TMPO: variants seen among roughly 807,000 people sequenced by gnomAD.
TMPO encodes the protein LEM domain containing 4.
Under a neutral mutation model 45.4 loss-of-function variants are expected in TMPO, and 22 were observed. The observed-to-expected ratio is 0.48, with a 90% confidence interval of 0.35 to 0.69. The LOEUF is 0.69. TMPO is among the 30% of genes least tolerant of loss of function. The probability of loss-of-function intolerance (pLI) is 0.01; values close to 1 mark genes in which losing one functional copy is unlikely to be tolerated. For missense variants in TMPO, 512 were observed against 548.8 expected (o/e 0.93, Z 0.67); for synonymous variants, 241 against 204.1 (o/e 1.18, Z -1.54).
At chr12:98,528,479 G>A (rs895853097) in intron 2 of TMPO, among the ~76,000 whole-genome samples, 5 of 151,888 alleles carry the variant, frequency 3.3e-5, no homozygotes, top group South Asian at 2.1e-4. Context: ...GGATTTCACC[G>A]TGTTAGCAAG....
rs34394677 is a variant in TMPO at position 98,525,738 on chromosome 12, CAA to C, written c.280-2131_280-2130del. ...CCTGGATAAGAGTGAGGCACAGTCT[CAA>C]AAAAAAAAAAAAAAAAGATTTGATT... On this transcript the variant is annotated intron_variant, in intron 1 of 8. Transcript: ENST00000556029. Among the ~76,000 whole-genome samples, 416 of 95,640 alleles carry C rather than the reference CAA, an allele frequency of 4.3e-3. 5 individuals are homozygous for C. The highest frequency in any genetic ancestry group is 0.012 in the African/African-American group (316 of 26,256). The allele number at this position is 95,640 out of a possible 152,430, so 62.7% of individuals were successfully genotyped here.
intron 8 of TMPO, 91 bp downstream of exon 8, chr12:98,546,538 C>A: frequency 9.5e-7 from 1 of 1,053,252 alleles, no homozygotes; most frequent in South Asian, 1.3e-5. Context: ...TACTTCTGCT[C>A]AGAATTAAGC....
rs201922820 is a variant in TMPO at position 98,542,495 on chromosome 12, CA to C, written c.664-1733del. On this transcript the variant is annotated intron_variant, in intron 4 of 8. Transcript: ENST00000556029. Reference sequence around the variant, plus strand: ...AGCTCTCCTTGATGGTACTGTGCCACAAGGATTGAGAATCTCAGATTATAAA... The same window carrying C: ...AGCTCTCCTTGATGGTACTGTGCCACAGGATTGAGAATCTCAGATTATAAA... 9.1e-3 allele frequency among the ~76,000 whole-genome samples: 1,366 copies of C among 149,300 alleles called. 22 individuals are homozygous for C. The highest frequency in any genetic ancestry group is 0.033 in the African/African-American group (1,313 of 40,332).
At chr12:98,529,360 T>C (rs1877021618) in intron 2 of TMPO, among the ~76,000 whole-genome samples, 1 of 152,078 alleles carries the variant, frequency 6.6e-6, no homozygotes, top group African/African-American at 2.4e-5. Context: ...GAGCCCCTTT[T>C]TCATTTATCA....
rs762849489 is a variant in TMPO, at chr12:98,547,694, A to C, written c.1201A>C (p.Lys401Gln). 12 of 1,614,092 alleles carry C rather than the reference A, an allele frequency of 7.4e-6. No individual in the cohort carries two copies. The East Asian group carries it at 2.5e-4, about 33-fold the overall frequency. Residue 401 changes from lysine to glutamine, a missense_variant, in exon 9 of 9, where the codon AAG (lysine) becomes CAG (glutamine). By Grantham distance (53) the Lys-to-Gln change is moderately conservative (BLOSUM62 1). This residue lies in a region of TMPO where 209 missense variants were observed against 235.1 expected (regional missense o/e 0.89). Transcript: ENST00000556029. The stretch of plus-strand genomic sequence containing the variant: ...TAAGTATGTTCCCTTGGCAGATGTC[A>C]AGTCAGAAAAGACAAAAAAGGGACG... ...VPKYVPLADV[K>Q]SEKTKKGRSI...
In TMPO at chr12:98,518,688, G is replaced by C. The variant is rs199654831; in HGVS notation, c.279+2542G>C. ...TCCCCATCTACCTTGTGTTCTTTTGGGGGGTAAGAAGACCTAAATGTAAAA... is the reference window on the plus strand; with the variant it reads ...TCCCCATCTACCTTGTGTTCTTTTGCGGGGTAAGAAGACCTAAATGTAAAA... On this transcript the variant is annotated intron_variant, in intron 1 of 8. Coordinates refer to ENST00000556029, the MANE Select transcript of TMPO (RefSeq NM_001032283.3). Among the ~76,000 whole-genome samples, 10 of 151,790 alleles carry C rather than the reference G, an allele frequency of 6.6e-5. No individual in the cohort carries two copies. The East Asian group carries it at 1.7e-3, about 26-fold the overall frequency.
chr12:98,529,468 G>A (rs548113747), intron 2 of TMPO, among the ~76,000 whole-genome samples: 32 of 152,200 alleles, frequency 2.1e-4, no homozygotes, highest in African/African-American at 7.0e-4. Context: ...GATTTCCATC[G>A]TTGGATTACT....
chr12:98,534,554 T>C, intron 3 of TMPO: 3 of 1,353,078 alleles, frequency 2.2e-6, no homozygotes, highest in Middle Eastern at 2.9e-4. Context: ...GTACAAACAA[T>C]TTAACGCTTT....
intron 2 of TMPO, among the ~76,000 whole-genome samples, chr12:98,530,456 T>A (rs1266290438): frequency 6.6e-6 from 1 of 152,270 alleles, no homozygotes; most frequent in Non-Finnish European, 1.5e-5. Context: ...TATATAACAT[T>A]TCTGGACACA....
Position 98,516,323 on chromosome 12 carries a change from G to A in TMPO, c.279+177G>A, listed in dbSNP as rs554898455. 4.1e-5 allele frequency: 50 copies of A among 1,226,940 alleles called. No individual in the cohort carries two copies. In the African/African-American group the frequency reaches 4.4e-4, roughly 11 times the overall value. The allele number at this position is 1,226,940 out of a possible 1,614,324, so 76.0% of individuals were successfully genotyped here. A position where few individuals can be genotyped will look rare whatever the true frequency, so the allele number is the denominator to read the frequency against. On this transcript the variant is annotated intron_variant, in intron 1 of 8. Coordinates refer to ENST00000556029, the MANE Select transcript of TMPO (RefSeq NM_001032283.3). ...GGGGCTGCAGGCGCCGGAGCGGAGA[G>A]GCCAGAAGTTGGGGCCGCGGGGTTC...
intron 4 of TMPO, among the ~76,000 whole-genome samples, chr12:98,538,575 AC>A (rs1421859622): frequency 2.6e-5 from 4 of 151,742 alleles, no homozygotes; most frequent in African/African-American, 7.3e-5. Context: ...CTGGTCTCAA[AC>A]TCCTGACCTC....
intron 4 of TMPO, among the ~76,000 whole-genome samples, chr12:98,539,181 C>T (rs1877754026): frequency 6.6e-6 from 1 of 151,552 alleles, no homozygotes; most frequent in South Asian, 2.1e-4. Context: ...GCCTGGGCAA[C>T]AAGAGCGAAA....
chr12:98,534,578 T>C, intron 3 of TMPO: 4 of 1,296,960 alleles, frequency 3.1e-6, no homozygotes, highest in Non-Finnish European at 3.9e-6. Context: ...GATCACATAT[T>C]AGTCTCTAAG....
At chr12:98,535,574 A>T (rs1592948408) in intron 3 of TMPO, 3 of 985,336 alleles carry the variant, frequency 3.0e-6, no homozygotes, top group Non-Finnish European at 3.6e-6. Flanking sequence ...TGTGATTTTT[A>T]AAAATGTATT....
At chr12:98,535,041 T>C in intron 3 of TMPO, 2 of 812,166 alleles carry the variant, frequency 2.5e-6, no homozygotes, top group Non-Finnish European at 3.0e-6. Flanking sequence ...ATTTACACTC[T>C]GATGCAAGTA....
intron 3 of TMPO, chr12:98,532,734 G>A (rs769400066): frequency 9.4e-6 from 15 of 1,594,476 alleles, no homozygotes; most frequent in Non-Finnish European, 1.3e-5. Flanking sequence ...CTTTTCCTTT[G>A]ACAGCACTAT....
chr12:98,533,446 T>C (rs1468645076), intron 3 of TMPO: 1 of 1,614,168 alleles, frequency 6.2e-7, no homozygotes. Context: ...GCCTGGAACT[T>C]CTAACTCTAT....
At chr12:98,521,602 G>A (rs569899941) in intron 1 of TMPO, among the ~76,000 whole-genome samples, 2 of 152,234 alleles carry the variant, frequency 1.3e-5, no homozygotes, top group South Asian at 4.1e-4. Context: ...AAACTACCTA[G>A]ATTGTGGACA....
In TMPO at chr12:98,537,535, C is replaced by T; in HGVS notation, c.626C>T (p.Pro209Leu). The T allele has an allele frequency of 1.2e-6, 2 of 1,613,480 alleles. No individual in the cohort carries two copies. The highest frequency in any genetic ancestry group is 1.7e-6 in the Non-Finnish European group (2 of 1,179,668). Reference protein sequence around the residue: ...REPLKGRAKTPVTLKQRRVEH... With the variant: ...REPLKGRAKTLVTLKQRRVEH... ...CCACTAAAGGGCAGAGCAAAGACTC[C>T]AGTAACACTCAAGCAAAGAAGAGTT... Residue 209 changes from proline (P) to leucine (L), a missense_variant, in exon 4 of 9, where the codon CCA (proline) becomes CTA (leucine). Physicochemically the swap from Pro to Leu is moderately conservative, Grantham distance 98 (BLOSUM62 -3). This residue lies in a region of TMPO where 299 missense variants were observed against 296.7 expected (regional missense o/e 1.01). Transcript: ENST00000556029.
Sources: gnomAD v4.1 joint callset for allele counts (sites outside exome capture counted in the v4.1 genomes callset) on GRCh38, gnomAD v4.1.1 for gene constraint, gnomAD v4.1.1 regional missense constraint, MANE v1.5 for transcripts, NCBI Gene and HGNC (gene_info 2026-07-23, HGNC 2026-07-21) for gene names.